The following MROH9 variants were observed in gnomAD, a reference collection of about 807,000 sequenced individuals.
MROH9 encodes maestro heat like repeat family member 9.
In MROH9, 92 loss-of-function variants were observed where a neutral mutation model predicts 98.2. The observed-to-expected ratio is 0.94, with a 90% CI of 0.79 to 1.11. The LOEUF (loss-of-function observed/expected upper bound fraction) is 1.11. Ranked by LOEUF, MROH9 falls within the 50% of genes most tolerant of loss-of-function variation. MROH9 has a pLI of 0.00. For synonymous variants in MROH9, 397 were observed against 368.9 expected (o/e 1.08, Z -0.87); for missense variants, 1,057 against 1,014.8 (o/e 1.04, Z -0.57).
chr1:170,971,684 C>T (rs1459131281), intron 7 of MROH9, 64 bp from the exon 8 acceptor site: 1 of 1,547,182 alleles, frequency 6.5e-7, no homozygotes, highest in Non-Finnish European at 8.9e-7. Context: ...GGATCAGATG[C>T]ATGCAGACAT....
chr1:170,992,751 T>C (rs1651406750), intron 12 of MROH9, among the ~76,000 whole-genome samples: 1 of 152,150 alleles, frequency 6.6e-6, no homozygotes, highest in African/African-American at 2.4e-5. Context: ...AAGTCTCGTA[T>C]TGATGGACAC....
chr1:171,055,091 C>T (rs1237809868), intron 20 of MROH9, among the ~76,000 whole-genome samples: 1 of 149,790 alleles, frequency 6.7e-6, no homozygotes, highest in African/African-American at 2.5e-5. Context: ...TTTGCAATTG[C>T]AAAAATATAA....
At chr1:171,020,983 C>CT (rs1652497213) in intron 17 of MROH9, among the ~76,000 whole-genome samples, 1 of 151,990 alleles carries the variant, frequency 6.6e-6, no homozygotes, top group African/African-American at 2.4e-5. Context: ...AGCAGAGAGC[C>CT]AAATCATGAA....
chr1:170,996,676 G>A, intron 14 of MROH9, 32 bp downstream of exon 14: 1 of 1,609,192 alleles, frequency 6.2e-7, no homozygotes, highest in Non-Finnish European at 8.5e-7. Context: ...TAGGATTCTT[G>A]GTCTCTATCC....
At chr1:170,976,398 T>C (rs547961878) in intron 8 of MROH9, among the ~76,000 whole-genome samples, 1 of 152,148 alleles carries the variant, frequency 6.6e-6, no homozygotes, top group African/African-American at 2.4e-5. Context: ...TCTCCTTCAC[T>C]TAGGAAGCTT....
chr1:171,030,884 G>A (rs927280560), intron 20 of MROH9, among the ~76,000 whole-genome samples: 1 of 152,072 alleles, frequency 6.6e-6, no homozygotes, highest in African/African-American at 2.4e-5. Context: ...ACAGTGAGGT[G>A]TTAAAATATC....
chr1:170,950,105 C>T (rs1163419967), intron 3 of MROH9, among the ~76,000 whole-genome samples: 1 of 152,140 alleles, frequency 6.6e-6, no homozygotes, highest in East Asian at 1.9e-4. Context: ...CTTATAGTCA[C>T]ATAGCTAGCA....
intron 10 of MROH9, among the ~76,000 whole-genome samples, chr1:170,987,382 A>G (rs185379665): frequency 1.4e-3 from 207 of 152,298 alleles, no homozygotes; most frequent in African/African-American, 4.7e-3. Flanking sequence ...AGAGCTGGCT[A>G]CATAATTTGT....
At chr1:170,973,368 A>C (rs779367763) in intron 8 of MROH9, among the ~76,000 whole-genome samples, 1 of 152,164 alleles carries the variant, frequency 6.6e-6, no homozygotes, top group Non-Finnish European at 1.5e-5. Context: ...GAGGTACAGT[A>C]CTCAGACGGG....
chr1:170,957,819 T>G (rs1436495217), intron 3 of MROH9, among the ~76,000 whole-genome samples: 1 of 129,734 alleles, frequency 7.7e-6, no homozygotes, highest in East Asian at 2.0e-4. Flanking sequence ...TGTTTGTTTG[T>G]TTTTTTTGAG....
chr1:171,016,571 C>T (rs974505150), intron 17 of MROH9, among the ~76,000 whole-genome samples: 4 of 151,734 alleles, frequency 2.6e-5, no homozygotes, highest in Non-Finnish European at 4.4e-5. Flanking sequence ...TTGGATGAAA[C>T]TGTAGCTTTG....
At chr1:170,942,353 C>T (rs1031409112) in intron 1 of MROH9, among the ~76,000 whole-genome samples, 23 of 144,724 alleles carry the variant, frequency 1.6e-4, no homozygotes, top group Non-Finnish European at 2.4e-4. Flanking sequence ...CAGTTTCCTC[C>T]GGCAATGTAG....
intron 11 of MROH9, 26 bp downstream of exon 11, chr1:170,990,029 T>A: frequency 1.3e-6 from 2 of 1,589,814 alleles, no homozygotes; most frequent in Non-Finnish European, 8.6e-7. Context: ...CCTCTGTCCC[T>A]TCCACAAGGG....
chr1:171,036,560 C>T (rs76520782), intron 20 of MROH9, among the ~76,000 whole-genome samples: 2 of 151,906 alleles, frequency 1.3e-5, no homozygotes, highest in South Asian at 2.1e-4. Flanking sequence ...ACCTTAGACT[C>T]TCTCACACAG....
intron 1 of MROH9, among the ~76,000 whole-genome samples, chr1:170,943,314 AC>A (rs1649196917): frequency 6.6e-6 from 1 of 152,114 alleles, no homozygotes. Flanking sequence ...AATGTTGGAA[AC>A]AGTGCAAAGA....
At chr1:170,990,230 T>C (rs1404177161) in intron 11 of MROH9, among the ~76,000 whole-genome samples, 2 of 152,222 alleles carry the variant, frequency 1.3e-5, no homozygotes, top group Non-Finnish European at 2.9e-5. Flanking sequence ...GCCCACAAGA[T>C]ATGACCAATG....
At chr1:170,949,396 A>G (rs1382218271) in intron 3 of MROH9, among the ~76,000 whole-genome samples, 3 of 152,060 alleles carry the variant, frequency 2.0e-5, no homozygotes, top group Non-Finnish European at 4.4e-5. Flanking sequence ...GGAGTTGTGG[A>G]TGGAGAGGTA....
intron 20 of MROH9, among the ~76,000 whole-genome samples, chr1:171,048,553 C>T (rs1187535741): frequency 6.6e-6 from 1 of 152,130 alleles, no homozygotes; most frequent in African/African-American, 2.4e-5. Context: ...AGTGGCTTCC[C>T]CTTGGCCCAA....
intron 20 of MROH9, among the ~76,000 whole-genome samples, chr1:171,059,261 C>T (rs1653942803): frequency 6.6e-6 from 1 of 152,114 alleles, no homozygotes; most frequent in African/African-American, 2.4e-5. Context: ...CAAAAGAAGA[C>T]TTTTACATGG....
Sources: gnomAD v4.1 joint callset for allele counts (sites outside exome capture counted in the v4.1 genomes callset) on GRCh38, gnomAD v4.1.1 for gene constraint, MANE v1.5 for transcripts, NCBI Gene and HGNC (gene_info 2026-07-23, HGNC 2026-07-21) for gene names.